The following NOTCH1 variants were observed in gnomAD, a reference collection of about 807,000 sequenced individuals.
NOTCH1 encodes neurogenic locus notch homolog protein 1.
In NOTCH1, 37 loss-of-function variants were observed where a neutral mutation model predicts 254.8. That is an observed-to-expected ratio of 0.15 (90% CI 0.11 to 0.19). The LOEUF is 0.19. Among genes scored for constraint, NOTCH1 ranks in the 10% least tolerant of loss-of-function variants. The probability of loss-of-function intolerance (pLI) is 1.00; values close to 1 mark genes in which losing one functional copy is unlikely to be tolerated. For synonymous variants in NOTCH1, 1,731 were observed against 1,618.1 expected (o/e 1.07, Z -1.68); for missense variants, 2,972 against 3,708.6 (o/e 0.80, Z 5.16).
Position 136,505,751 on chromosome 9 carries a change from T to C in NOTCH1, c.4145A>G (p.Glu1382Gly), listed in dbSNP as rs759253791. 1 of 1,587,692 alleles carries C rather than the reference T, an allele frequency of 6.3e-7. No homozygotes were observed. Reference sequence around the variant, plus strand: ...GGGGCTGCTGGCCGGGAACTGGCATTCGGGGCCCGTGAAGGGGCCCAGGCA... The same window carrying C: ...GGGGCTGCTGGCCGGGAACTGGCATCCGGGGCCCGTGAAGGGGCCCAGGCA... ...CLCLGPFTGP[E>G]CQFPASSPCL... The change falls in exon 25 of 34, where the codon GAA (glutamate) becomes GGA (glycine). Residue 1382 changes from glutamate to glycine, a missense_variant. Glu to Gly is a moderately conservative substitution (Grantham distance 98). Coordinates refer to ENST00000651671, the MANE Select transcript of NOTCH1 (RefSeq NM_017617.5).
chr9:136,496,324 A>G lies in NOTCH1; in HGVS notation c.7415T>C (p.Leu2472Pro), dbSNP rs2133314958. Residue 2472 changes from leucine to proline, a missense_variant, in exon 34 of 34, where the codon CTG (leucine) becomes CCG (proline). By Grantham distance (98) the Leu-to-Pro change is moderately conservative (BLOSUM62 -3). Coordinates refer to ENST00000651671, the MANE Select transcript of NOTCH1 (RefSeq NM_017617.5). ...CTGGGCTGCGGTCACGGGTGGGACC[A>G]GCGAGGATGGCAGCGACGTGGGCAG... ...PALPTSLPSS[L>P]VPPVTAAQFL... 1 of 1,595,366 alleles carries G rather than the reference A, an allele frequency of 6.3e-7. No homozygotes were observed. The highest frequency in any genetic ancestry group is 8.5e-7 in the Non-Finnish European group (1 of 1,171,340).
rs1052228619 is a variant in NOTCH1 at position 136,519,687 on chromosome 9, G to A, written c.743-122C>T. ...TCCACGGCCCTGCCCTGGGGCCCCCGGGGTCTGTGCCCGTCCCCTGCCTCA... is the reference window on the plus strand; with the variant it reads ...TCCACGGCCCTGCCCTGGGGCCCCCAGGGTCTGTGCCCGTCCCCTGCCTCA... On this transcript the variant is annotated intron_variant, in intron 4 of 33. Transcript: ENST00000651671. The A allele has an allele frequency of 1.2e-4, 180 of 1,467,522 alleles. No homozygotes were observed. In the East Asian group the frequency reaches 3.4e-3, roughly 28 times the overall value. The allele number at this position is 1,467,522 out of a possible 1,614,324, so 90.9% of individuals were successfully genotyped here. A position where few individuals can be genotyped will look rare whatever the true frequency, so the allele number is the denominator to read the frequency against.
intron 10 of NOTCH1, 126 bp downstream of exon 10, chr9:136,515,855 G>A (rs1453170895): frequency 4.3e-6 from 2 of 465,612 alleles, no homozygotes; most frequent in Non-Finnish European, 2.7e-6. Context: ...GATTGGGGCT[G>A]AGCTGTGCTC....
intron 2 of NOTCH1, among the ~76,000 whole-genome samples, chr9:136,524,595 T>C (rs1843429008): frequency 2.0e-5 from 3 of 151,678 alleles, no homozygotes; most frequent in African/African-American, 7.3e-5. Context: ...CCACGGAAAG[T>C]GTGGATCAGC....
intron 17 of NOTCH1, among the ~76,000 whole-genome samples, 183 bp from the exon 18 acceptor site, chr9:136,510,144 CT>C (rs776161356): frequency 2.2e-4 from 33 of 152,334 alleles, no homozygotes; most frequent in Non-Finnish European, 4.3e-4. Context: ...TCACACCCGT[CT>C]CCTGTGCTTG....
intron 21 of NOTCH1, 38 bp from the exon 22 acceptor site, chr9:136,507,475 C>A (rs1361229565): frequency 1.3e-6 from 2 of 1,572,340 alleles, no homozygotes; most frequent in Non-Finnish European, 8.6e-7. Flanking sequence ...TTCGGCTCAG[C>A]CGGCGCCAGG....
Position 136,497,471 on chromosome 9 carries a change from T to C in NOTCH1, c.6268A>G (p.Thr2090Ala). Residue 2090 changes from threonine to alanine, a missense_variant, in exon 34 of 34, where the codon ACG becomes GCG. By Grantham distance (58) the Thr-to-Ala change is moderately conservative. Coordinates refer to ENST00000651671, the MANE Select transcript of NOTCH1 (RefSeq NM_017617.5). The part of the protein sequence containing the change: ...LLDHFANRDI[T>A]DHMDRLPRDI... The stretch of plus-strand genomic sequence containing the variant: ...CGCGGCAGGCGGTCCATATGATCCG[T>C]GATGTCCCGGTTGGCAAAGTGGTCC... 1 of 1,612,338 alleles carries C rather than the reference T, an allele frequency of 6.2e-7. No individual in the cohort carries two copies. The highest frequency in any genetic ancestry group is 8.5e-7 in the Non-Finnish European group (1 of 1,179,884).
chr9:136,534,477 G>A (rs983767280), intron 2 of NOTCH1, among the ~76,000 whole-genome samples: 1 of 152,136 alleles, frequency 6.6e-6, no homozygotes, highest in Non-Finnish European at 1.5e-5. Context: ...GGAACAACAC[G>A]ACTATTTCTT....
rs1275439825 is a variant in NOTCH1 at position 136,504,783 on chromosome 9, C to G, written c.4908G>C (p.Glu1636Asp). The G allele has an allele frequency of 6.4e-7, 1 of 1,553,802 alleles. No individual in the cohort carries two copies. The highest frequency in any genetic ancestry group is 1.4e-5 in the African/African-American group (1 of 73,498). Reference protein sequence around the residue: ...LRKHPIKRAAEGWAAPDALLG... With the variant: ...LRKHPIKRAADGWAAPDALLG... Reference sequence around the variant, plus strand: ...GCAGGGCGTCAGGTGCGGCCCAGCCCTCGGCGGCACGCTTGATGGGGTGCT... The same window carrying G: ...GCAGGGCGTCAGGTGCGGCCCAGCCGTCGGCGGCACGCTTGATGGGGTGCT... Residue 1636 changes from glutamate (E) to aspartate (D), a missense_variant, in exon 26 of 34, where the codon GAG (glutamate) becomes GAC (aspartate). Physicochemically the swap from Glu to Asp is conservative, Grantham distance 45. Around this residue, in one of 8 missense-constraint regions of NOTCH1, gnomAD observed 1,343 missense variants for 1,557.0 expected, o/e 0.86. Coordinates refer to ENST00000651671, the MANE Select transcript of NOTCH1 (RefSeq NM_017617.5).
Position 136,498,849 on chromosome 9 carries a change from C to T in NOTCH1, c.6180+50G>A, listed in dbSNP as rs765995815. ...CCCCGTGGGTTTGGCCCTCACTTCT[C>T]TGTGGATTCAGCCCTCACGTCTCCC... On this transcript the variant is annotated intron_variant, in intron 33 of 33. Transcript: ENST00000651671. The T allele has an allele frequency of 7.5e-6, 12 of 1,601,572 alleles. No individual in the cohort carries two copies. The South Asian group carries it at 1.3e-4, about 18-fold the overall frequency.
chr9:136,526,457 G>A (rs1232428049), intron 2 of NOTCH1, among the ~76,000 whole-genome samples: 1 of 152,240 alleles, frequency 6.6e-6, no homozygotes, highest in Non-Finnish European at 1.5e-5. Flanking sequence ...CTGGTCCCCT[G>A]CCTCCCGGCC....
intron 2 of NOTCH1, among the ~76,000 whole-genome samples, chr9:136,527,181 C>T (rs1311262186): frequency 6.6e-6 from 1 of 152,240 alleles, no homozygotes; most frequent in Non-Finnish European, 1.5e-5. Context: ...TACCTCTCTC[C>T]CACATGGCCA....
At position 136,511,171 on chromosome 9, in the gene NOTCH1, G is replaced by A. The variant is rs369379272; in HGVS notation, c.2568C>T (p.Val856=). The A allele has an allele frequency of 7.4e-6, 12 of 1,612,822 alleles. No individual in the cohort carries two copies. The South Asian group carries it at 9.9e-5, about 13-fold the overall frequency. The part of the protein sequence containing the change: ...QSEDYESFSC[V]CPTGWQGQTC... ...CCTCACCTTGCCAGCCCGTGGGGCA[G>A]ACACAGGAGAAGCTCTCATAGTCCT... is the stretch of plus-strand genomic sequence containing the variant. Residue 856 remains valine (V), a synonymous_variant, in exon 16 of 34, where the codon GTC becomes GTT. Transcript: ENST00000651671.
rs146380599 is a variant in NOTCH1, at chr9:136,504,584, C to T, written c.5018+89G>A. ...ATAAAGTGGGGAGAGTACTGCTTGC[C>T]ATGGCGCCGGCCGTGAGGGGCAGGG... On this transcript the variant is annotated intron_variant, in intron 26 of 33. Coordinates refer to ENST00000651671, the MANE Select transcript of NOTCH1 (RefSeq NM_017617.5). 4.4e-4 allele frequency: 595 copies of T among 1,343,418 alleles called. 2 individuals are homozygous for T. The African/African-American group carries it at 7.8e-3, about 18-fold the overall frequency. 83.2% of individuals were successfully genotyped at this position (1,343,418 alleles called of 1,614,324 possible).
chr9:136,522,596 G>A (rs1265912993), intron 4 of NOTCH1: 7 of 511,440 alleles, frequency 1.4e-5, no homozygotes, highest in Middle Eastern at 5.0e-4. Flanking sequence ...CCTACAGCTC[G>A]AATGTGAGTT....
rs1285992504 is a variant in NOTCH1 at position 136,510,617 on chromosome 9, C to T, written c.2740+36G>A. The T allele has an allele frequency of 3.1e-6, 5 of 1,590,842 alleles. No individual in the cohort carries two copies. The Admixed American group carries it at 5.1e-5, about 16-fold the overall frequency. The stretch of plus-strand genomic sequence containing the variant: ...GCCCGGGGGAACTGAGGCCTGAGAG[C>T]TTCCTGGAGGAGGCCAGAGCCGCGG... On this transcript the variant is annotated intron_variant, in intron 17 of 33. Coordinates refer to ENST00000651671, the MANE Select transcript of NOTCH1 (RefSeq NM_017617.5).
rs770793676 is a variant in NOTCH1 at position 136,510,726 on chromosome 9, G to A, written c.2667C>T (p.Gly889=). Residue 889 remains glycine (G), a synonymous_variant, in exon 17 of 34, where the codon GGC becomes GGT. Coordinates refer to ENST00000651671, the MANE Select transcript of NOTCH1 (RefSeq NM_017617.5). ...RHGASCQNTH[G]GYRCHCQAGY... is the part of the protein sequence containing the mutation. ...CGGCCTGGCAGTGGCAGCGGTAGCCGCCGTGGGTGTTCTGGCAGGATGCGC... is the reference window on the plus strand; with the variant it reads ...CGGCCTGGCAGTGGCAGCGGTAGCCACCGTGGGTGTTCTGGCAGGATGCGC... The A allele has an allele frequency of 5.0e-6, 8 of 1,610,336 alleles. No homozygotes were observed. Among genetic ancestry groups the A allele is most frequent in the African/African-American group, 1.3e-5 (1 of 75,058 alleles).
Position 136,513,055 on chromosome 9 carries a change from G to A in NOTCH1, c.2433C>T (p.Ala811=), listed in dbSNP as rs61751552. The A allele has an allele frequency of 5.6e-5, 76 of 1,357,954 alleles. No individual in the cohort carries two copies. In the African/African-American group the frequency reaches 5.9e-4, roughly 11 times the overall value. The allele number at this position is 1,357,954 out of a possible 1,614,324, so 84.1% of individuals were successfully genotyped here. A position where few individuals can be genotyped will look rare whatever the true frequency, so the allele number is the denominator to read the frequency against. Residue 811 remains alanine, a synonymous_variant, in exon 15 of 34, where the codon GCC becomes GCT. Coordinates refer to ENST00000651671, the MANE Select transcript of NOTCH1 (RefSeq NM_017617.5). This position sits in a 1 kb window ranked among gnomAD's most constrained non-coding sequence, Gnocchi z 4.7. ...GCAGCAGGCAGTTGCACTTGTACCCGGCAACGTCGTCAATACACGTGCCCT... is the reference window on the plus strand; with the variant it reads ...GCAGCAGGCAGTTGCACTTGTACCCAGCAACGTCGTCAATACACGTGCCCT... ...LNQGTCIDDV[A]GYKCNCLLPY...
At chr9:136,521,392 G>C (rs916633821) in intron 4 of NOTCH1, among the ~76,000 whole-genome samples, 1 of 151,306 alleles carries the variant, frequency 6.6e-6, no homozygotes, top group South Asian at 2.1e-4. Context: ...GCCCCTGCAC[G>C]GGCAGTGGCT....
Sources: allele counts gnomAD v4.1 joint callset (sites outside exome capture counted in the v4.1 genomes callset), GRCh38; gene constraint gnomAD v4.1.1; regional missense constraint gnomAD v4.1.1; non-coding constraint Gnocchi (gnomAD v3.1); transcripts MANE v1.5; gene names NCBI Gene and HGNC (gene_info 2026-07-23, HGNC 2026-07-21).